The following APC variants were observed in gnomAD, a reference collection of about 807,000 sequenced individuals.
APC encodes adenomatous polyposis coli protein.
APC carries 72 observed loss-of-function variants against 247.0 expected under a neutral mutation model. The ratio of observed to expected loss-of-function variants is 0.29; its 90% CI spans 0.24 to 0.35. The LOEUF (loss-of-function observed/expected upper bound fraction) is 0.35, where lower values mean the gene tolerates loss of function less well. Ranked by LOEUF, APC falls within the 10% of genes least tolerant of loss-of-function variation. The probability of loss-of-function intolerance (pLI) is 1.00; values close to 1 mark genes in which losing one functional copy is unlikely to be tolerated. For missense variants in APC, 3,400 were observed against 3,360.7 expected, an observed-to-expected ratio of 1.01 and a Z score of -0.29; for synonymous variants, 1,254 against 1,162.5, an observed-to-expected ratio of 1.08 and a Z score of -1.60.
chr5:112,744,468 T>A (rs1753414308), intron 1 of APC, among the ~76,000 whole-genome samples: 1 of 152,182 alleles, frequency 6.6e-6, no homozygotes, highest in Non-Finnish European at 1.5e-5. Flanking sequence ...ATATTTATGC[T>A]CCAGCTGGGA....
In APC at chr5:112,826,636, A is replaced by G. The variant is rs574713452; in HGVS notation, c.1409-472A>G. ...TTAGTTTTTCTTCATGCACAGTTTC[A>G]TTTAAAGGCATCCGTATTCCTAAGG... On this transcript the variant is annotated intron_variant, in intron 11 of 15. Coordinates refer to ENST00000257430, the MANE Select transcript of APC (RefSeq NM_000038.6). 6.0e-5 allele frequency among the ~76,000 whole-genome samples: 9 copies of G among 151,168 alleles called. No individual in the cohort carries two copies. In the East Asian group the frequency reaches 1.8e-3, roughly 29 times the overall value.
At chr5:112,718,038 A>G (rs1299257688) in intron 1 of APC, among the ~76,000 whole-genome samples, 1 of 147,260 alleles carries the variant, frequency 6.8e-6, no homozygotes. Context: ...TTATTAACTC[A>G]TTCAGTAAAT....
chr5:112,838,262 G>A lies in APC; in HGVS notation c.2668G>A (p.Val890Ile), dbSNP rs779998847. The stretch of plus-strand genomic sequence containing the variant: ...CACCACTGCAGCCCAGATTGCCAAA[G>A]TCATGGAAGAAGTGTCAGCCATTCA... ...ISTTAAQIAK[V>I]MEEVSAIHTS... is the part of the protein sequence containing the mutation. The change falls in exon 16 of 16, where the codon GTC (valine) becomes ATC (isoleucine). Residue 890 changes from valine to isoleucine, a missense_variant. Transcript: ENST00000257430. 7 of 1,614,204 alleles carry A rather than the reference G, an allele frequency of 4.3e-6. No individual in the cohort carries two copies. Among genetic ancestry groups the A allele is most frequent in the Non-Finnish European group, 5.9e-6 (7 of 1,180,040 alleles).
At chr5:112,729,674 A>G (rs1428606760) in intron 1 of APC, among the ~76,000 whole-genome samples, 1 of 152,234 alleles carries the variant, frequency 6.6e-6, no homozygotes, top group Non-Finnish European at 1.5e-5. Flanking sequence ...ATGTCATTAC[A>G]TTGGGTCTAC....
intron 6 of APC, among the ~76,000 whole-genome samples, chr5:112,787,994 TCATA>T (rs1580407018): frequency 6.6e-6 from 1 of 152,168 alleles, no homozygotes; most frequent in African/African-American, 2.4e-5. Flanking sequence ...TTATGTATAG[TCATA>T]CATACATATA....
At chr5:112,731,267 T>C (rs906561095) in intron 1 of APC, among the ~76,000 whole-genome samples, 1 of 152,156 alleles carries the variant, frequency 6.6e-6, no homozygotes, top group East Asian at 1.9e-4. Context: ...AGTATAAGAA[T>C]TGCCTTTGTC....
In APC at chr5:112,845,586, C is replaced by T. The variant is rs3733961; in HGVS notation, c.*1460C>T. 14,717 of 232,322 alleles carry T rather than the reference C, an allele frequency of 0.063. 990 individuals are homozygous for T. Among genetic ancestry groups the T allele is most frequent in the African/African-American group, 0.18 (8,286 of 45,296 alleles). 14.4% of individuals were successfully genotyped at this position (232,322 alleles called of 1,614,324 possible). ...TGGAACTTTAGAGGTAGATTTAATACGATTAAGATATTCAGAAGTATATTT... is the reference window on the plus strand; with the variant it reads ...TGGAACTTTAGAGGTAGATTTAATATGATTAAGATATTCAGAAGTATATTT... On this transcript the variant is annotated 3_prime_UTR_variant, in exon 16 of 16. Coordinates refer to ENST00000257430, the MANE Select transcript of APC (RefSeq NM_000038.6).
At chr5:112,775,454 CTGTAATAT>C (rs772199098) in intron 4 of APC, among the ~76,000 whole-genome samples, 167 bp from the exon 5 acceptor site, 1 of 151,956 alleles carries the variant, frequency 6.6e-6, no homozygotes, top group Non-Finnish European at 1.5e-5. Context: ...ATTTTAATGA[CTGTAATAT>C]TCTAAGTCCT....
At chr5:112,782,008 T>A (rs1324827764) in intron 6 of APC, among the ~76,000 whole-genome samples, 3 of 152,196 alleles carry the variant, frequency 2.0e-5, no homozygotes, top group Non-Finnish European at 2.9e-5. Flanking sequence ...TGCTAGGATT[T>A]AGAGTCATCA....
At chr5:112,752,740 A>G (rs1341467978) in intron 1 of APC, among the ~76,000 whole-genome samples, 12 of 152,200 alleles carry the variant, frequency 7.9e-5, no homozygotes. Context: ...TTAGGGAGGT[A>G]TGGCTGCAGC....
At chr5:112,781,443 A>C (rs1013371965) in intron 6 of APC, among the ~76,000 whole-genome samples, 1 of 152,218 alleles carries the variant, frequency 6.6e-6, no homozygotes, top group African/African-American at 2.4e-5. Flanking sequence ...TAGCCTTTTT[A>C]TATTCAAACA....
chr5:112,726,345 T>C (rs1751776879), intron 1 of APC, among the ~76,000 whole-genome samples: 1 of 152,088 alleles, frequency 6.6e-6, no homozygotes, highest in Non-Finnish European at 1.5e-5. Flanking sequence ...GATGGGGAGC[T>C]GGAAGGGGGA....
upstream of APC, among the ~76,000 whole-genome samples, chr5:112,734,226 G>T (rs1470471009): frequency 6.6e-6 from 1 of 152,166 alleles, no homozygotes; most frequent in Non-Finnish European, 1.5e-5. Flanking sequence ...TGGATGGATA[G>T]ACAGACAGAC....
chr5:112,796,003 C>G (rs1561507853), intron 7 of APC, among the ~76,000 whole-genome samples: 1 of 152,092 alleles, frequency 6.6e-6, no homozygotes, highest in African/African-American at 2.4e-5. Flanking sequence ...AGCAGAATAC[C>G]TGCGGTTTCT....
At chr5:112,834,091 A>G (rs1472309311) in intron 14 of APC, among the ~76,000 whole-genome samples, 5 of 151,168 alleles carry the variant, frequency 3.3e-5, no homozygotes, top group African/African-American at 4.9e-5. Context: ...GGCGCGTGCC[A>G]CCATACCCAG....
At chr5:112,781,752 T>TA in intron 6 of APC, among the ~76,000 whole-genome samples, 1 of 151,790 alleles carries the variant, frequency 6.6e-6, no homozygotes, top group Non-Finnish European at 1.5e-5. Context: ...TGACACTTCC[T>TA]AAACATAATG....
chr5:112,804,499 C>T (rs956447405), intron 8 of APC, among the ~76,000 whole-genome samples: 2 of 152,140 alleles, frequency 1.3e-5, no homozygotes, highest in Non-Finnish European at 2.9e-5. Context: ...TCTGCCTCAG[C>T]CTCCCGAGTA....
At chr5:112,759,776 C>T (rs1755444674) in intron 2 of APC, among the ~76,000 whole-genome samples, 1 of 152,132 alleles carries the variant, frequency 6.6e-6, no homozygotes, top group Non-Finnish European at 1.5e-5. Context: ...AATGAATATT[C>T]TCTCCTTCAA....
At chr5:112,818,842 TTTGGCGGGGGGGGTTG>T in intron 9 of APC, 108 bp from the exon 10 acceptor site, 2 of 907,772 alleles carry the variant, frequency 2.2e-6, no homozygotes, top group South Asian at 1.5e-5. Flanking sequence ...TTGTTTTTTT[TTTGGCGGGGGGGGTTG>T]TTTTGTTTTT....
Sources: allele counts gnomAD v4.1 joint callset (sites outside exome capture counted in the v4.1 genomes callset), GRCh38; gene constraint gnomAD v4.1.1; transcripts MANE v1.5; gene names NCBI Gene and HGNC (gene_info 2026-07-23, HGNC 2026-07-21).